Variants in BSND observed in about 807,000 individuals in gnomAD.
BSND encodes barttin.
BSND carries 13 observed loss-of-function variants against 18.8 expected under a neutral mutation model. The observed-to-expected ratio is 0.69, with a 90% CI of 0.45 to 1.10. BSND has a LOEUF of 1.10. Among genes scored for constraint, BSND ranks in the 50% least tolerant of loss-of-function variants. BSND has a pLI of 0.00. For missense variants in BSND, 379 were observed against 416.7 expected (o/e 0.91, Z 0.79); for synonymous variants, 170 against 161.8 (o/e 1.05, Z -0.39).
At chr1:55,006,886 C>G in intron 2 of BSND, 111 bp from the exon 3 acceptor site, 1 of 1,508,134 alleles carries the variant, frequency 6.6e-7, no homozygotes, top group East Asian at 2.3e-5. Flanking sequence ...CCCCCAAAGG[C>G]TTCTTGTGAG....
chr1:54,999,782 AAG>A (rs1487560820), intron 1 of BSND, among the ~76,000 whole-genome samples: 1 of 152,224 alleles, frequency 6.6e-6, no homozygotes, highest in East Asian at 1.9e-4. Flanking sequence ...GAGGTCCAGA[AAG>A]AGAGGCTGCA....
In BSND at chr1:55,014,484, C is replaced by G. The variant is rs572622676; in HGVS notation, c.*5856C>G. On this transcript the variant is annotated 3_prime_UTR_variant, in exon 4 of 4. Coordinates refer to ENST00000651561, the MANE Select transcript of BSND (RefSeq NM_057176.3). ...ATGTGCCTAGCACCTGGTGAGCCCC[C>G]AGTAAAGTCAGTTATCATTGTTAGT... Among the ~76,000 whole-genome samples, 3 of 152,354 alleles carry G rather than the reference C, an allele frequency of 2.0e-5. No individual in the cohort carries two copies. In the East Asian group the frequency reaches 5.8e-4, roughly 29 times the overall value.
rs1644448590 is a variant in BSND at position 55,016,001 on chromosome 1, G to C, written c.*7373G>C. Among the ~76,000 whole-genome samples, 1 of 152,236 alleles carries C rather than the reference G, an allele frequency of 6.6e-6. No homozygotes were observed. The highest frequency in any genetic ancestry group is 2.4e-5 in the African/African-American group (1 of 41,468). The stretch of plus-strand genomic sequence containing the variant: ...CTGGGGTAGGTGTGAACTGAGCTTA[G>C]AATAGGAGCGGAGGGTGGCTGGAGA... On this transcript the variant is annotated 3_prime_UTR_variant, in exon 4 of 4. Transcript: ENST00000651561.
At position 54,999,205 on chromosome 1, in the gene BSND, T is replaced by C; in HGVS notation, c.19T>C (p.Phe7Leu). MADEKT[F>L]RIGFIVLGLF... ...GGCAGCCATGGCTGACGAGAAGACC[T>C]TCCGGATCGGCTTCATTGTGCTGGG... is the stretch of plus-strand genomic sequence containing the variant. The change falls in exon 1 of 4, where the codon TTC becomes CTC. Residue 7 changes from phenylalanine to leucine, a missense_variant. Coordinates refer to ENST00000651561, the MANE Select transcript of BSND (RefSeq NM_057176.3). 6.2e-7 allele frequency: 1 copy of C among 1,614,156 alleles called. No homozygotes were observed. The highest frequency in any genetic ancestry group is 8.5e-7 in the Non-Finnish European group (1 of 1,180,024).
rs1350784022 is a variant in BSND at position 55,011,398 on chromosome 1, C to A, written c.*2770C>A. 6.6e-6 allele frequency: 1 copy of A among 152,236 alleles called. No homozygotes were observed. The highest frequency in any genetic ancestry group is 1.5e-5 in the Non-Finnish European group (1 of 68,058). 9.4% of individuals were successfully genotyped at this position (152,236 alleles called of 1,614,324 possible). The stretch of plus-strand genomic sequence containing the variant: ...GACCTTTGACAAGTCTGGTTGCCTC[C>A]GTAGCCCTCAGCTTTCTCATGTGCA... On this transcript the variant is annotated 3_prime_UTR_variant, in exon 4 of 4. Transcript: ENST00000651561.
chr1:55,000,967 G>T (rs1185283731), intron 1 of BSND, among the ~76,000 whole-genome samples: 1 of 152,160 alleles, frequency 6.6e-6, no homozygotes, highest in African/African-American at 2.4e-5. Flanking sequence ...GTAGAGGGGA[G>T]GGGAGGGGAG....
rs1570278337 is a variant in BSND, at chr1:55,014,982, G to A, written c.*6354G>A. Reference sequence around the variant, plus strand: ...AGAAGGAGACTGTCCTGGCTGGAGTGGTGGAGGACAGGGTCAGAGAGGGAG... The same window carrying A: ...AGAAGGAGACTGTCCTGGCTGGAGTAGTGGAGGACAGGGTCAGAGAGGGAG... On this transcript the variant is annotated 3_prime_UTR_variant, in exon 4 of 4. Transcript: ENST00000651561. Among the ~76,000 whole-genome samples, 1 of 152,176 alleles carries A rather than the reference G, an allele frequency of 6.6e-6. No homozygotes were observed. Among genetic ancestry groups the A allele is most frequent in the African/African-American group, 2.4e-5 (1 of 41,448 alleles).
chr1:54,999,802 C>T (rs746705464), intron 1 of BSND, among the ~76,000 whole-genome samples: 5 of 152,310 alleles, frequency 3.3e-5, no homozygotes, highest in South Asian at 2.1e-4. Flanking sequence ...GCACAGCTAA[C>T]GAGCAAGGTT....
intron 1 of BSND, among the ~76,000 whole-genome samples, chr1:55,001,116 G>A (rs1369914530): frequency 6.6e-6 from 1 of 152,104 alleles, no homozygotes; most frequent in Admixed American, 6.5e-5. Context: ...GCTCCTTCAT[G>A]TCCCACTTCT....
At chr1:55,008,068 G>T in intron 3 of BSND, 146 bp from the exon 4 acceptor site, 1 of 689,296 alleles carries the variant, frequency 1.5e-6, no homozygotes. Flanking sequence ...AGAAAGAACT[G>T]CAGGAGTGAA....
rs1644440343 is a variant in BSND at position 55,014,549 on chromosome 1, G to T, written c.*5921G>T. Among the ~76,000 whole-genome samples the T allele has an allele frequency of 6.6e-6, 1 of 152,180 alleles. No homozygotes were observed. The highest frequency in any genetic ancestry group is 2.4e-5 in the African/African-American group (1 of 41,436). ...TGATGTTACAATGTGTAGACATCAG[G>T]TGCCCATGTGCACCTGGGTCGTTCA... On this transcript the variant is annotated 3_prime_UTR_variant, in exon 4 of 4. Coordinates refer to ENST00000651561, the MANE Select transcript of BSND (RefSeq NM_057176.3).
rs1037038332 is a variant in BSND, at chr1:55,007,179, G to A, written c.455G>A (p.Gly152Asp). 1.2e-6 allele frequency: 2 copies of A among 1,614,228 alleles called. No individual in the cohort carries two copies. The highest frequency in any genetic ancestry group is 2.2e-5 in the East Asian group (1 of 44,878). Residue 152 changes from glycine to aspartate, a missense_variant, in exon 3 of 4, where the codon GGC (glycine) becomes GAC (aspartate). Physicochemically the swap from Gly to Asp is moderately conservative, Grantham distance 94 (BLOSUM62 -1). Coordinates refer to ENST00000651561, the MANE Select transcript of BSND (RefSeq NM_057176.3). Reference sequence around the variant, plus strand: ...AGTGATGGAGGAGAAGGTGGCCCTGGCGACGTTCAGGCCTGGATGGAGGCT... The same window carrying A: ...AGTGATGGAGGAGAAGGTGGCCCTGACGACGTTCAGGCCTGGATGGAGGCT... ...GTSDGGEGGP[G>D]DVQAWMEAAV...
intron 1 of BSND, among the ~76,000 whole-genome samples, chr1:55,001,894 G>T (rs944062738): frequency 6.6e-6 from 1 of 152,234 alleles, no homozygotes; most frequent in Non-Finnish European, 1.5e-5. Context: ...GGCTACGAGA[G>T]GCAGAGGGGA....
chr1:55,008,539 G>A lies in BSND; in HGVS notation c.874G>A (p.Glu292Lys), dbSNP rs267598659. 1.9e-5 allele frequency: 31 copies of A among 1,614,120 alleles called. No individual in the cohort carries two copies. The highest frequency in any genetic ancestry group is 2.5e-5 in the Non-Finnish European group (29 of 1,180,060). Residue 292 changes from glutamate (E) to lysine (K), a missense_variant, in exon 4 of 4, where the codon GAG becomes AAG. Physicochemically the swap from Glu to Lys is moderately conservative, Grantham distance 56. Transcript: ENST00000651561. ...AGGTGGGGAGGAACCTGAGAAGGAA[G>A]AGGAAGACCTGTACTATGGGCTGCC... is the stretch of plus-strand genomic sequence containing the variant. ...DTGGEEPEKE[E>K]EDLYYGLPDG... is the part of the protein sequence containing the mutation.
chr1:54,999,818 C>T (rs1644352750), intron 1 of BSND, among the ~76,000 whole-genome samples: 1 of 152,190 alleles, frequency 6.6e-6, no homozygotes, highest in Non-Finnish European at 1.5e-5. Flanking sequence ...AGGTTTGGAG[C>T]TCAGATGCGT....
intron 2 of BSND, 61 bp from the exon 3 acceptor site, chr1:55,006,936 G>C: frequency 6.2e-7 from 1 of 1,610,836 alleles, no homozygotes; most frequent in Non-Finnish European, 8.5e-7. Context: ...CAGGGCCGGG[G>C]AGAACACTGG....
intron 3 of BSND, 93 bp downstream of exon 3, chr1:55,007,365 C>T: frequency 8.6e-7 from 1 of 1,156,182 alleles, no homozygotes; most frequent in Non-Finnish European, 1.2e-6. Flanking sequence ...GGTGGGGACA[C>T]TGGGGGTAAG....
In BSND at chr1:55,012,632, G is replaced by A. The variant is rs1236021754; in HGVS notation, c.*4004G>A. 6.6e-6 allele frequency among the ~76,000 whole-genome samples: 1 copy of A among 152,156 alleles called. No individual in the cohort carries two copies. Among genetic ancestry groups the A allele is most frequent in the Non-Finnish European group, 1.5e-5 (1 of 68,020 alleles). On this transcript the variant is annotated 3_prime_UTR_variant, in exon 4 of 4. Transcript: ENST00000651561. ...GTCTCTTCCCTCATCTATGCATCAG[G>A]GAGCCACTGTCCTGCCTATAAATAA...
At chr1:55,001,812 A>G (rs1644362936) in intron 1 of BSND, among the ~76,000 whole-genome samples, 2 of 152,158 alleles carry the variant, frequency 1.3e-5, no homozygotes, top group African/African-American at 4.8e-5. Flanking sequence ...GAAGATGGGG[A>G]AAGACATTCC....
Sources: gnomAD v4.1 joint callset for allele counts (sites outside exome capture counted in the v4.1 genomes callset) on GRCh38, gnomAD v4.1.1 for gene constraint, MANE v1.5 for transcripts, NCBI Gene and HGNC (gene_info 2026-07-23, HGNC 2026-07-21) for gene names.